The following STXBP5L variants were observed in gnomAD, a reference collection of about 807,000 sequenced individuals.
The protein encoded by STXBP5L is syntaxin binding protein 5L.
A neutral mutation model predicts 144.5 loss-of-function variants in STXBP5L; 65 were observed. The ratio of observed to expected loss-of-function variants is 0.45; its 90% confidence interval spans 0.37 to 0.55. The LOEUF is 0.55. Ranked by LOEUF, STXBP5L falls within the 20% of genes least tolerant of loss-of-function variation. The pLI is 0.00. For synonymous variants in STXBP5L, 505 were observed against 469.6 expected, an observed-to-expected ratio of 1.08 and a Z score of -0.97; for missense variants, 1,298 against 1,405.5, an observed-to-expected ratio of 0.92 and a Z score of 1.22.
chr3:121,140,126 C>A (rs1301619782), intron 7 of STXBP5L, among the ~76,000 whole-genome samples: 1 of 145,648 alleles, frequency 6.9e-6, no homozygotes, highest in Non-Finnish European at 1.5e-5. Context: ...CAAAAGAAGA[C>A]ATATTATAAA....
In STXBP5L at chr3:121,197,855, A is replaced by G. The variant is rs556596839; in HGVS notation, c.878-8068A>G. 1.4e-4 allele frequency among the ~76,000 whole-genome samples: 22 copies of G among 152,316 alleles called. No homozygotes were observed. The South Asian group carries it at 4.1e-3, about 29-fold the overall frequency. On this transcript the variant is annotated intron_variant, in intron 9 of 26. Coordinates refer to ENST00000471454, the MANE Select transcript of STXBP5L (RefSeq NM_001308330.2). ...CTATTTTACGGTTGCATAGTATTCC[A>G]TGGTGTATATGTGCCGCATTTTCTT...
intron 6 of STXBP5L, 49 bp downstream of exon 6, chr3:121,115,108 G>A: frequency 6.5e-7 from 1 of 1,538,620 alleles, no homozygotes. Context: ...ACTTCATACA[G>A]TTATGTAACA....
intron 19 of STXBP5L, among the ~76,000 whole-genome samples, chr3:121,305,753 A>G (rs2043317171): frequency 6.6e-6 from 1 of 152,120 alleles, no homozygotes; most frequent in African/African-American, 2.4e-5. Flanking sequence ...GTTTACTATC[A>G]TCACTTTTAT....
At chr3:121,092,250 G>A (rs936188499) in intron 5 of STXBP5L, among the ~76,000 whole-genome samples, 1 of 151,856 alleles carries the variant, frequency 6.6e-6, no homozygotes, top group Non-Finnish European at 1.5e-5. Flanking sequence ...ACTTGGCAAT[G>A]CGGGCTCTTT....
At chr3:121,084,935 T>C (rs2042418460) in intron 5 of STXBP5L, among the ~76,000 whole-genome samples, 1 of 152,202 alleles carries the variant, frequency 6.6e-6, no homozygotes, top group East Asian at 1.9e-4. Flanking sequence ...TATCTCATTC[T>C]AATTTTAATT....
At chr3:120,978,597 T>G (rs1338250262) in intron 3 of STXBP5L, among the ~76,000 whole-genome samples, 5 of 152,254 alleles carry the variant, frequency 3.3e-5, no homozygotes, top group Non-Finnish European at 7.3e-5. Context: ...AGGAACTGCA[T>G]TCCTTTGGAG....
intron 3 of STXBP5L, among the ~76,000 whole-genome samples, chr3:121,010,194 CT>C (rs1418900286): frequency 6.6e-6 from 1 of 151,820 alleles, no homozygotes; most frequent in East Asian, 1.9e-4. Context: ...AGATTCGAGT[CT>C]TCCCCTTTCA....
chr3:121,169,504 G>C (rs2046626828), intron 9 of STXBP5L, among the ~76,000 whole-genome samples: 1 of 152,110 alleles, frequency 6.6e-6, no homozygotes, highest in Non-Finnish European at 1.5e-5. Context: ...TATTTACCAA[G>C]CAAATGGAAA....
chr3:121,049,062 C>T (rs1947740751), intron 5 of STXBP5L, among the ~76,000 whole-genome samples: 1 of 151,968 alleles, frequency 6.6e-6, no homozygotes, highest in African/African-American at 2.4e-5. Context: ...CACAGAGCTG[C>T]TACTAGCCTG....
intron 19 of STXBP5L, among the ~76,000 whole-genome samples, chr3:121,317,852 A>C (rs2043835517): frequency 6.6e-6 from 1 of 152,098 alleles, no homozygotes; most frequent in African/African-American, 2.4e-5. Flanking sequence ...AACAAAACAC[A>C]GTATGTAATA....
intron 7 of STXBP5L, among the ~76,000 whole-genome samples, chr3:121,136,864 G>GTGCTACATATACACCATGGAA (rs2045280732): frequency 1.3e-5 from 2 of 152,166 alleles, no homozygotes; most frequent in Admixed American, 6.5e-5. Flanking sequence ...TGAAGAAAAT[G>GTGCTACATATACACCATGGAA]TGCTACATAT....
intron 3 of STXBP5L, among the ~76,000 whole-genome samples, chr3:120,982,213 T>C (rs1402119409): frequency 2.0e-5 from 3 of 152,174 alleles, no homozygotes; most frequent in African/African-American, 7.2e-5. Context: ...CTTTGTTTAC[T>C]GGGAGGTGCT....
At chr3:121,327,585 T>C (rs897024785) in intron 20 of STXBP5L, among the ~76,000 whole-genome samples, 3 of 152,220 alleles carry the variant, frequency 2.0e-5, no homozygotes, top group African/African-American at 7.2e-5. Context: ...AGTTGATAGA[T>C]GTAACTAGGT....
intron 20 of STXBP5L, among the ~76,000 whole-genome samples, chr3:121,338,881 G>A (rs1000667877): frequency 6.6e-6 from 1 of 152,014 alleles, no homozygotes; most frequent in Admixed American, 6.6e-5. Context: ...CCAACAACAA[G>A]CAGTGAGATT....
At chr3:121,230,357 T>A (rs1302826026) in intron 11 of STXBP5L, among the ~76,000 whole-genome samples, 4 of 151,784 alleles carry the variant, frequency 2.6e-5, no homozygotes, top group Admixed American at 2.6e-4. Flanking sequence ...AAGTGCCTGG[T>A]CTTATTTGCT....
chr3:120,942,845 GT>G (rs932104601), intron 2 of STXBP5L, among the ~76,000 whole-genome samples: 1 of 151,354 alleles, frequency 6.6e-6, no homozygotes, highest in Non-Finnish European at 1.5e-5. Context: ...AATGACTGTA[GT>G]TTTTTGTTGT....
intron 18 of STXBP5L, among the ~76,000 whole-genome samples, chr3:121,269,028 T>A (rs1577339617): frequency 6.6e-6 from 1 of 152,156 alleles, no homozygotes; most frequent in Non-Finnish European, 1.5e-5. Flanking sequence ...CCAAGCTGAC[T>A]GACCATGAGG....
chr3:121,197,181 C>T lies in STXBP5L; in HGVS notation c.878-8742C>T, dbSNP rs551840598. On this transcript the variant is annotated intron_variant, in intron 9 of 26. Transcript: ENST00000471454. ...TAGTATAGCCACTGAAGATTCCTTA[C>T]GGCTGCTATTTCCATGTTATGTCCT... Among the ~76,000 whole-genome samples the T allele has an allele frequency of 2.4e-4, 37 of 152,226 alleles. No individual in the cohort carries two copies. The South Asian group carries it at 6.0e-3, about 25-fold the overall frequency.
intron 14 of STXBP5L, among the ~76,000 whole-genome samples, chr3:121,241,027 A>G (rs1430609871): frequency 1.3e-5 from 2 of 152,192 alleles, no homozygotes; most frequent in African/African-American, 4.8e-5. Context: ...AAGATAGAGT[A>G]AATATATTTT....
Sources: allele counts gnomAD v4.1 joint callset (sites outside exome capture counted in the v4.1 genomes callset), GRCh38; gene constraint gnomAD v4.1.1; transcripts MANE v1.5; gene names NCBI Gene and HGNC (gene_info 2026-07-23, HGNC 2026-07-21).